Variants in GNG2 observed in about 807,000 individuals in gnomAD.
GNG2 encodes G protein subunit gamma 2.
In GNG2, 5 loss-of-function variants were observed where a neutral mutation model predicts 5.5. The observed-to-expected ratio is 0.91, with a 90% confidence interval of 0.48 to 1.92. The LOEUF (loss-of-function observed/expected upper bound fraction) is 1.92. Ranked by LOEUF, GNG2 falls within the 30% of genes most tolerant of loss-of-function variation. The pLI is 0.01. For missense variants in GNG2, 55 were observed against 88.4 expected, an observed-to-expected ratio of 0.62 and a Z score of 1.52; for synonymous variants, 28 against 32.0, an observed-to-expected ratio of 0.88 and a Z score of 0.42.
At chr14:51,928,652 G>A (rs1325246431) in intron 2 of GNG2, among the ~76,000 whole-genome samples, 1 of 152,182 alleles carries the variant, frequency 6.6e-6, no homozygotes, top group Non-Finnish European at 1.5e-5. Flanking sequence ...AGCCAAAACT[G>A]AGGAGGAAGG....
chr14:51,949,346 T>C (rs1339486458), intron 2 of GNG2, among the ~76,000 whole-genome samples: 1 of 152,206 alleles, frequency 6.6e-6, no homozygotes, highest in Non-Finnish European at 1.5e-5. Context: ...TTTTGCTTTT[T>C]GGTCATTAAG....
intron 3 of GNG2, 110 bp downstream of exon 3, chr14:51,950,875 A>C: frequency 1.9e-6 from 1 of 530,346 alleles, no homozygotes; most frequent in Non-Finnish European, 3.3e-6. Context: ...AGAGCATCTT[A>C]AAGATTAGGC....
intron 2 of GNG2, among the ~76,000 whole-genome samples, chr14:51,842,820 A>G (rs572813575): frequency 2.4e-4 from 37 of 152,148 alleles, no homozygotes; most frequent in African/African-American, 8.7e-4. Context: ...ACACACCACC[A>G]CACCCAGCTA....
chr14:51,930,995 C>T (rs1454631975), intron 2 of GNG2, among the ~76,000 whole-genome samples: 1 of 152,118 alleles, frequency 6.6e-6, no homozygotes, highest in African/African-American at 2.4e-5. Flanking sequence ...GCTAGAGAGG[C>T]TGAGGTGGGA....
intron 2 of GNG2, among the ~76,000 whole-genome samples, chr14:51,946,693 CTCTGGTGTCCT>C (rs1888663269): frequency 1.3e-5 from 2 of 152,290 alleles, no homozygotes; most frequent in Middle Eastern, 3.4e-3. Context: ...TGATTCGACT[CTCTGGTGTCCT>C]TCTTTTGCTC....
At chr14:51,920,687 G>A (rs1395752487) in intron 2 of GNG2, among the ~76,000 whole-genome samples, 2 of 152,166 alleles carry the variant, frequency 1.3e-5, no homozygotes, top group East Asian at 3.9e-4. Flanking sequence ...TTAGAATAAT[G>A]TTCCTTGAAT....
chr14:51,900,952 GGAT>G (rs763547951), intron 2 of GNG2, among the ~76,000 whole-genome samples: 24 of 152,160 alleles, frequency 1.6e-4, no homozygotes, highest in Non-Finnish European at 3.2e-4. Flanking sequence ...GAGAATTTGA[GGAT>G]GATACCAGTG....
intron 2 of GNG2, chr14:51,917,281 C>T (rs769966266): frequency 1.0e-4 from 46 of 448,838 alleles, no homozygotes; most frequent in South Asian, 1.9e-4. Context: ...GAATCCCAGC[C>T]GCTGCCACGA....
intron 2 of GNG2, among the ~76,000 whole-genome samples, chr14:51,901,469 CA>C (rs1885551894): frequency 6.6e-6 from 1 of 151,856 alleles, no homozygotes; most frequent in African/African-American, 2.4e-5. Flanking sequence ...GCTGAGATTA[CA>C]GATGTGAGCC....
chr14:51,942,196 A>T (rs1170315079), intron 2 of GNG2, among the ~76,000 whole-genome samples: 1 of 152,232 alleles, frequency 6.6e-6, no homozygotes, highest in Non-Finnish European at 1.5e-5. Context: ...AAGACATAAG[A>T]ATATAAAAAC....
chr14:51,880,743 G>A (rs1350640461), intron 2 of GNG2, among the ~76,000 whole-genome samples: 6 of 151,992 alleles, frequency 3.9e-5, no homozygotes, highest in South Asian at 2.1e-4. Context: ...GGGAGAATCC[G>A]GGGCAAATCA....
upstream of GNG2, among the ~76,000 whole-genome samples, chr14:51,860,262 A>T (rs1333624872): frequency 6.6e-6 from 1 of 151,996 alleles, no homozygotes; most frequent in African/African-American, 2.4e-5. Context: ...AACAGCAAGA[A>T]CAACAATAGC....
chr14:51,881,497 C>G (rs904676475), intron 2 of GNG2, among the ~76,000 whole-genome samples: 1 of 152,116 alleles, frequency 6.6e-6, no homozygotes, highest in Non-Finnish European at 1.5e-5. Flanking sequence ...AGTACTCTGC[C>G]AGCATCATCC....
chr14:51,936,158 C>T (rs1887991485), intron 2 of GNG2, among the ~76,000 whole-genome samples: 4 of 152,132 alleles, frequency 2.6e-5, no homozygotes, highest in Admixed American at 2.6e-4. Flanking sequence ...TTTTCTAAAC[C>T]TGTATCACAA....
At chr14:51,847,388 G>A (rs1279497079) in intron 2 of GNG2, 3 of 152,358 alleles carry the variant, frequency 2.0e-5, no homozygotes, top group African/African-American at 4.8e-5. Context: ...GGTAACCGAC[G>A]TTGTGTAAGA....
chr14:51,966,480 G>A, intron 3 of GNG2, 79 bp from the exon 4 acceptor site: 1 of 1,232,206 alleles, frequency 8.1e-7, no homozygotes, highest in African/African-American at 1.5e-5. Context: ...TTTGATGCCA[G>A]GACATTGGGC....
At chr14:51,859,529 C>A (rs1047542304), upstream of GNG2, among the ~76,000 whole-genome samples, 1 of 152,170 alleles carries the variant, frequency 6.6e-6, no homozygotes, top group Non-Finnish European at 1.5e-5. Context: ...CGTCCTATAT[C>A]CCCAGAACTA....
At chr14:51,939,344 A>G (rs1449680966) in intron 2 of GNG2, among the ~76,000 whole-genome samples, 1 of 151,928 alleles carries the variant, frequency 6.6e-6, no homozygotes, top group Non-Finnish European at 1.5e-5. Flanking sequence ...TTTTTCGAGG[A>G]CTCTGTTTTT....
At chr14:51,868,030 T>C (rs906041767) in intron 1 of GNG2, among the ~76,000 whole-genome samples, 8 of 152,226 alleles carry the variant, frequency 5.3e-5, no homozygotes, top group African/African-American at 1.9e-4. Context: ...CTTGAGTGAC[T>C]CATTTTTTGA....
Sources: gnomAD v4.1 joint callset for allele counts (sites outside exome capture counted in the v4.1 genomes callset) on GRCh38, gnomAD v4.1.1 for gene constraint, MANE v1.5 for transcripts, NCBI Gene and HGNC (gene_info 2026-07-23, HGNC 2026-07-21) for gene names.